Variants in PIP5K1C observed in about 807,000 individuals in gnomAD.
The protein encoded by PIP5K1C is phosphatidylinositol-4-phosphate 5-kinase type 1 gamma.
PIP5K1C carries 45 observed loss-of-function variants against 80.1 expected under a neutral mutation model. The observed-to-expected ratio is 0.56, with a 90% CI of 0.44 to 0.72. PIP5K1C has a LOEUF of 0.72. Ranked by LOEUF, PIP5K1C falls within the 30% of genes least tolerant of loss-of-function variation. The pLI, the probability that PIP5K1C is intolerant of heterozygous loss-of-function variation, is 0.00. For synonymous variants in PIP5K1C, 498 were observed against 420.1 expected, an observed-to-expected ratio of 1.19 and a Z score of -2.27; for missense variants, 753 against 954.6, an observed-to-expected ratio of 0.79 and a Z score of 2.78.
chr19:3,642,050 C>T (rs2033985408), intron 14 of PIP5K1C, among the ~76,000 whole-genome samples: 2 of 152,138 alleles, frequency 1.3e-5, no homozygotes, highest in Non-Finnish European at 2.9e-5. Flanking sequence ...AAATGGCAGC[C>T]CCGACCGGTG....
intron 16 of PIP5K1C, chr19:3,636,665 A>G (rs2033700341): frequency 1.0e-6 from 1 of 985,508 alleles, no homozygotes; most frequent in African/African-American, 1.7e-5. Context: ...TGCCTAGAGC[A>G]GCCGGGGAAG....
chr19:3,653,429 C>T lies in PIP5K1C; in HGVS notation c.782G>A (p.Arg261Gln), dbSNP rs927285774. 3 of 1,613,526 alleles carry T rather than the reference C, an allele frequency of 1.9e-6. No homozygotes were observed. The highest frequency in any genetic ancestry group is 2.5e-6 in the Non-Finnish European group (3 of 1,180,024). ...CTCCTTCTCCTTCTTGCTGGCGCGC[C>T]GCTTGTAGGTGGAGCCCTTGAGGTC... ...KFDLKGSTYK[R>Q]RASKKEKEKS... is the part of the protein sequence containing the mutation. The change falls in exon 7 of 18, where the codon CGG (arginine) becomes CAG (glutamine). Residue 261 changes from arginine (R) to glutamine (Q), a missense_variant. By Grantham distance (43) the Arg-to-Gln change is conservative (BLOSUM62 1). Around this residue, in one of 6 missense-constraint regions of PIP5K1C, gnomAD observed 105 missense variants for 133.4 expected, o/e 0.79. Coordinates refer to ENST00000335312, the MANE Select transcript of PIP5K1C (RefSeq NM_012398.3).
At chr19:3,643,171 A>ACATGCAGTGAATGCCCCGCCCC in intron 13 of PIP5K1C, 72 bp downstream of exon 13, 2 of 1,600,090 alleles carry the variant, frequency 1.2e-6, no homozygotes, top group East Asian at 2.2e-5. Context: ...TGCCCCGCCC[A>ACATGCAGTGAATGCCCCGCCCC]CATGCAGTGA....
Position 3,633,529 on chromosome 19 carries a change from TG to T in PIP5K1C, c.1921-10del. On this transcript the variant is annotated splice_polypyrimidine_tract_variant and intron_variant, in intron 16 of 17. Coordinates refer to ENST00000335312, the MANE Select transcript of PIP5K1C (RefSeq NM_012398.3). ...CTCCTCTCATCGGTGGGCTGGCAGGTGGGCGCGCGTGCAGGAGGGCGCGGAA... is the reference window on the plus strand; with the variant it reads ...CTCCTCTCATCGGTGGGCTGGCAGGTGGCGCGCGTGCAGGAGGGCGCGGAA... 6.8e-7 allele frequency: 1 copy of T among 1,480,386 alleles called. No homozygotes were observed. 91.7% of individuals were successfully genotyped at this position (1,480,386 alleles called of 1,614,324 possible). A position where few individuals can be genotyped will look rare whatever the true frequency, so the allele number is the denominator to read the frequency against.
At chr19:3,654,613 T>C (rs1290531871) in intron 6 of PIP5K1C, among the ~76,000 whole-genome samples, 1 of 150,984 alleles carries the variant, frequency 6.6e-6, no homozygotes, top group East Asian at 2.0e-4. Flanking sequence ...GTCAGGAGTT[T>C]GAGACCAGCC....
intron 3 of PIP5K1C, among the ~76,000 whole-genome samples, chr19:3,664,073 C>T (rs1431604248): frequency 2.0e-5 from 3 of 152,336 alleles, no homozygotes; most frequent in East Asian, 1.9e-4. Flanking sequence ...GGCCCCAGTG[C>T]GAATGAACCC....
At chr19:3,694,128 C>T (rs1265842671) in intron 1 of PIP5K1C, among the ~76,000 whole-genome samples, 1 of 149,820 alleles carries the variant, frequency 6.7e-6, no homozygotes, top group African/African-American at 2.5e-5. Flanking sequence ...AGGAGAATGG[C>T]GTGAACCCGG....
At chr19:3,687,921 G>C (rs972164518) in intron 1 of PIP5K1C, among the ~76,000 whole-genome samples, 6 of 152,226 alleles carry the variant, frequency 3.9e-5, no homozygotes, top group African/African-American at 1.4e-4. Flanking sequence ...TGAGGTGTTG[G>C]GTCGTTTCCC....
At chr19:3,635,887 G>C (rs2033665157) in intron 16 of PIP5K1C, among the ~76,000 whole-genome samples, 1 of 152,190 alleles carries the variant, frequency 6.6e-6, no homozygotes, top group African/African-American at 2.4e-5. Flanking sequence ...GGCTGAGGCA[G>C]GAGAATGGCG....
At chr19:3,699,053 G>T (rs887874393) in intron 1 of PIP5K1C, among the ~76,000 whole-genome samples, 4 of 151,750 alleles carry the variant, frequency 2.6e-5, no homozygotes, top group Admixed American at 2.6e-4. Context: ...TGGTCGCGGT[G>T]TGGTTTTCTT....
chr19:3,636,840 G>T, intron 16 of PIP5K1C: 1 of 991,782 alleles, frequency 1.0e-6, no homozygotes, highest in Non-Finnish European at 1.2e-6. Context: ...GTGCTGGGCA[G>T]GTCTCTTAGG....
rs1042433489 is a variant in PIP5K1C at position 3,637,603 on chromosome 19, C to T, written c.1920+1281G>A. The stretch of plus-strand genomic sequence containing the variant: ...GCGGGGAGAGTAAATCCAGTACCTC[C>T]CATCCGTGAACTGGACGGGGCGGGC... On this transcript the variant is annotated intron_variant, in intron 16 of 17. Transcript: ENST00000335312. The surrounding 1 kb of genome is among the most constrained non-coding windows in gnomAD (Gnocchi z 7.0). The T allele has an allele frequency of 6.5e-7, 1 of 1,530,576 alleles. No individual in the cohort carries two copies. Among genetic ancestry groups the T allele is most frequent in the African/African-American group, 1.4e-5 (1 of 72,814 alleles). 94.8% of individuals were successfully genotyped at this position (1,530,576 alleles called of 1,614,324 possible).
At position 3,656,387 on chromosome 19, in the gene PIP5K1C, G is replaced by A. The variant is rs530478636; in HGVS notation, c.621+18C>T. The A allele has an allele frequency of 1.9e-5, 30 of 1,612,738 alleles. No homozygotes were observed. Among genetic ancestry groups the A allele is most frequent in the Admixed American group, 3.3e-5 (2 of 60,028 alleles). On this transcript the variant is annotated intron_variant, in intron 6 of 17. Coordinates refer to ENST00000335312, the MANE Select transcript of PIP5K1C (RefSeq NM_012398.3). ...GGTTGACCGAGGAGCCATCTGCCCCGCAGGGCGGGCCACGCACCATGTAGT... is the reference window on the plus strand; with the variant it reads ...GGTTGACCGAGGAGCCATCTGCCCCACAGGGCGGGCCACGCACCATGTAGT...
chr19:3,690,599 T>G (rs2035918552), intron 1 of PIP5K1C, among the ~76,000 whole-genome samples: 1 of 151,774 alleles, frequency 6.6e-6, no homozygotes, highest in Admixed American at 6.6e-5. Flanking sequence ...GACACCAAAC[T>G]AGGAAACCAG....
chr19:3,673,357 C>T (rs2035269131), intron 1 of PIP5K1C, among the ~76,000 whole-genome samples: 3 of 152,174 alleles, frequency 2.0e-5, no homozygotes, highest in Non-Finnish European at 4.4e-5. Context: ...CCTCACTGCC[C>T]GGCACACGGC....
chr19:3,638,832 G>A, intron 16 of PIP5K1C, 52 bp downstream of exon 16: 1 of 1,608,100 alleles, frequency 6.2e-7, no homozygotes, highest in Non-Finnish European at 8.5e-7. Context: ...GAGCGTGTGT[G>A]AGAGAGAGTC....
rs749818030 is a variant in PIP5K1C at position 3,651,963 on chromosome 19, C to G, written c.990G>C (p.Glu330Asp). 1.9e-6 allele frequency: 3 copies of G among 1,613,116 alleles called. No individual in the cohort carries two copies. The South Asian group carries it at 3.3e-5, about 18-fold the overall frequency. The change falls in exon 8 of 18, where the codon GAG (glutamate) becomes GAC (aspartate). Residue 330 changes from glutamate (E) to aspartate (D), a missense_variant. Physicochemically the swap from Glu to Asp is conservative, Grantham distance 45 (BLOSUM62 2). Around this residue, in one of 6 missense-constraint regions of PIP5K1C, gnomAD observed 105 missense variants for 133.4 expected, o/e 0.79. Coordinates refer to ENST00000335312, the MANE Select transcript of PIP5K1C (RefSeq NM_012398.3). ...LLGVHNIDQH[E>D]RERQAQGAQS... is the part of the protein sequence containing the mutation. The stretch of plus-strand genomic sequence containing the variant: ...GGGCGCCCTGCGCCTGCCGCTCGCG[C>G]TCGTGCTGGTCGATGTTGTGCACGC...
chr19:3,643,447 C>T, intron 12 of PIP5K1C, 66 bp from the exon 13 acceptor site: 2 of 1,596,834 alleles, frequency 1.3e-6, no homozygotes, highest in Non-Finnish European at 1.7e-6. Flanking sequence ...GTCGATTCTC[C>T]CTGAGGCTTG....
intron 1 of PIP5K1C, among the ~76,000 whole-genome samples, chr19:3,691,228 T>C (rs1002606021): frequency 6.6e-6 from 1 of 152,160 alleles, no homozygotes; most frequent in African/African-American, 2.4e-5. Flanking sequence ...CTGCTGAGGA[T>C]GGGAGAGATG....
Sources: allele counts gnomAD v4.1 joint callset (sites outside exome capture counted in the v4.1 genomes callset), GRCh38; gene constraint gnomAD v4.1.1; regional missense constraint gnomAD v4.1.1; non-coding constraint Gnocchi (gnomAD v3.1); transcripts MANE v1.5; gene names NCBI Gene and HGNC (gene_info 2026-07-23, HGNC 2026-07-21).